The following CELF2 variants were observed in gnomAD, a reference collection of about 807,000 sequenced individuals.
CELF2 encodes CUGBP Elav-like family member 2, also known as CUG triplet repeat RNA-binding protein 2.
Under a neutral mutation model 62.6 loss-of-function variants are expected in CELF2, and 8 were observed. The ratio of observed to expected loss-of-function variants is 0.13; its 90% confidence interval spans 0.07 to 0.23. CELF2 has a LOEUF of 0.23. Among genes scored for constraint, CELF2 ranks in the 10% least tolerant of loss-of-function variants. The pLI is 1.00. For synonymous variants in CELF2, 258 were observed against 250.0 expected (o/e 1.03, Z -0.30); for missense variants, 333 against 671.0 (o/e 0.50, Z 5.56).
chr10:11,068,742 A>G (rs2068845534), intron 1 of CELF2, among the ~76,000 whole-genome samples: 1 of 151,920 alleles, frequency 6.6e-6, no homozygotes, highest in African/African-American at 2.4e-5. Context: ...TTGTATTTTT[A>G]GTAGAGATGG....
the CELF2 span, among the ~76,000 whole-genome samples, chr10:10,472,024 A>AC: frequency 1.3e-5 from 2 of 149,722 alleles, no homozygotes; most frequent in East Asian, 3.9e-4. Context: ...TGAATTCAAG[A>AC]TTTTTTTTTC....
At chr10:10,560,887 A>C in the CELF2 span, among the ~76,000 whole-genome samples, 4 of 152,210 alleles carry the variant, frequency 2.6e-5, no homozygotes, top group African/African-American at 9.6e-5. Context: ...GAGATTGGAT[A>C]CTATTATTCT....
intron 1 of CELF2, among the ~76,000 whole-genome samples, chr10:11,141,478 C>T (rs1281091412): frequency 6.6e-6 from 1 of 152,168 alleles, no homozygotes; most frequent in Non-Finnish European, 1.5e-5. Context: ...TGAAGAGTAC[C>T]TACAGGAACT....
At chr10:10,575,110 C>A in the CELF2 span, among the ~76,000 whole-genome samples, 4 of 152,072 alleles carry the variant, frequency 2.6e-5, no homozygotes, top group African/African-American at 7.2e-5. Context: ...GAAAAATAAC[C>A]CAGCCTTCAC....
chr10:11,298,036 G>T (rs80213412), intron 9 of CELF2, among the ~76,000 whole-genome samples: 5,784 of 152,328 alleles, frequency 0.038, 120 homozygotes, highest in African/African-American at 0.055. Context: ...ACTAGGGGAA[G>T]AAGTTTTTAT....
chr10:11,056,186 C>G (rs1299719668), intron 1 of CELF2, among the ~76,000 whole-genome samples: 2 of 152,156 alleles, frequency 1.3e-5, no homozygotes, highest in Non-Finnish European at 2.9e-5. Flanking sequence ...TTCTATAAAG[C>G]TCTTTAAAAT....
In CELF2 at chr10:11,098,777, T is replaced by C. The variant is rs189401324; in HGVS notation, c.75-66709T>C. The stretch of plus-strand genomic sequence containing the variant: ...GTCCTTTATCTGTGTGGTTAATTTC[T>C]ATGAACTGCTGGACAGCTGATTTGA... On this transcript the variant is annotated intron_variant, in intron 1 of 12. Coordinates refer to ENST00000633077, the MANE Select transcript of CELF2 (RefSeq NM_001326342.2). This position sits in a 1 kb window ranked among gnomAD's most constrained non-coding sequence, Gnocchi z 4.0. Among the ~76,000 whole-genome samples the C allele has an allele frequency of 1.3e-5, 2 of 152,326 alleles. No homozygotes were observed.
the CELF2 span, among the ~76,000 whole-genome samples, chr10:10,691,505 C>T: frequency 6.6e-6 from 1 of 151,592 alleles, no homozygotes; most frequent in Non-Finnish European, 1.5e-5. Context: ...GATTTATAGT[C>T]CTTTGGGTAT....
intron 4 of CELF2, among the ~76,000 whole-genome samples, chr10:11,253,915 G>A (rs1490724609): frequency 6.6e-6 from 1 of 151,986 alleles, no homozygotes; most frequent in Non-Finnish European, 1.5e-5. Context: ...GTGTTTTTTT[G>A]TTTTGTTTTG....
At chr10:10,494,191 ATCAC>A in the CELF2 span, among the ~76,000 whole-genome samples, 1 of 152,224 alleles carries the variant, frequency 6.6e-6, no homozygotes, top group South Asian at 2.1e-4. Context: ...CGCTGCAGGA[ATCAC>A]TCTCTCTCCA....
At chr10:10,903,729 C>T (rs543211521) in intron 1 of CELF2, among the ~76,000 whole-genome samples, 3 of 152,340 alleles carry the variant, frequency 2.0e-5, no homozygotes, top group African/African-American at 7.2e-5. Flanking sequence ...CCCATTTCCT[C>T]CTGGTGGTGA....
chr10:11,106,399 G>A (rs1379240798), intron 1 of CELF2, among the ~76,000 whole-genome samples: 1 of 152,116 alleles, frequency 6.6e-6, no homozygotes, highest in East Asian at 1.9e-4. Flanking sequence ...ACCGTGCCCG[G>A]CTAATTGTTC....
intron 1 of CELF2, among the ~76,000 whole-genome samples, chr10:10,820,075 G>A (rs563208651): frequency 6.6e-6 from 1 of 152,230 alleles, no homozygotes; most frequent in South Asian, 2.1e-4. Context: ...GGAATCTGAT[G>A]GGTTTATAGA....
the CELF2 span, among the ~76,000 whole-genome samples, chr10:10,783,759 G>A: frequency 6.6e-6 from 1 of 152,156 alleles, no homozygotes; most frequent in African/African-American, 2.4e-5. Flanking sequence ...GGCCAAGGCG[G>A]GCAGATCACG....
the CELF2 span, among the ~76,000 whole-genome samples, chr10:10,515,739 A>G: frequency 6.6e-6 from 1 of 152,216 alleles, no homozygotes; most frequent in South Asian, 2.1e-4. Context: ...TGCCTCCTGT[A>G]TCGCCATTTA....
intron 2 of CELF2, among the ~76,000 whole-genome samples, chr10:10,967,107 G>C (rs1403500971): frequency 6.6e-6 from 1 of 152,230 alleles, no homozygotes; most frequent in East Asian, 1.9e-4. Flanking sequence ...AGACTCCGGT[G>C]CTGCCACGTG....
intron 1 of CELF2, among the ~76,000 whole-genome samples, chr10:11,105,191 T>A (rs1023830700): frequency 6.6e-6 from 1 of 152,228 alleles, no homozygotes; most frequent in Non-Finnish European, 1.5e-5. Flanking sequence ...ATAGTCGTGC[T>A]TTTTTACCAC....
Position 11,152,913 on chromosome 10 carries a change from A to G in CELF2, c.75-12573A>G, listed in dbSNP as rs548005866. Among the ~76,000 whole-genome samples, 26 of 152,316 alleles carry G rather than the reference A, an allele frequency of 1.7e-4. No homozygotes were observed. The South Asian group carries it at 3.9e-3, about 23-fold the overall frequency. On this transcript the variant is annotated intron_variant, in intron 1 of 12. Coordinates refer to ENST00000633077, the MANE Select transcript of CELF2 (RefSeq NM_001326342.2). ...TCGAGGGAGGTGGTGGGCTCCATCA[A>G]TCCAGGTACCATGAGCTTGGCTGTG...
At chr10:10,862,116 C>A (rs370410305) in intron 1 of CELF2, among the ~76,000 whole-genome samples, 24 of 152,262 alleles carry the variant, frequency 1.6e-4, no homozygotes, top group African/African-American at 4.3e-4. Context: ...GTAAGTTAAA[C>A]CAGATGGTAA....
Sources: gnomAD v4.1 joint callset for allele counts (sites outside exome capture counted in the v4.1 genomes callset) on GRCh38, gnomAD v4.1.1 for gene constraint, Gnocchi (gnomAD v3.1) non-coding constraint, MANE v1.5 for transcripts, NCBI Gene and HGNC (gene_info 2026-07-23, HGNC 2026-07-21) for gene names.